Variants in TAFA1 observed in about 807,000 individuals in gnomAD.
The protein encoded by TAFA1 is chemokine-like protein TAFA-1.
Under a neutral mutation model 18.5 loss-of-function variants are expected in TAFA1, and 4 were observed. The observed-to-expected ratio is 0.22, with a 90% CI of 0.11 to 0.49. TAFA1 has a LOEUF of 0.49. Ranked by LOEUF, TAFA1 falls within the 20% of genes least tolerant of loss-of-function variation. TAFA1 has a pLI of 0.98. For synonymous variants in TAFA1, 56 were observed against 55.2 expected (o/e 1.01, Z -0.06); for missense variants, 147 against 169.0 (o/e 0.87, Z 0.72).
intron 2 of TAFA1, among the ~76,000 whole-genome samples, chr3:68,102,897 C>A (rs1431279252): frequency 2.6e-5 from 4 of 152,152 alleles, no homozygotes; most frequent in African/African-American, 9.7e-5. Flanking sequence ...GGGCTGTGTC[C>A]ATCCAGAACC....
intron 2 of TAFA1, among the ~76,000 whole-genome samples, chr3:68,095,173 C>A (rs2065073701): frequency 6.6e-6 from 1 of 152,112 alleles, no homozygotes; most frequent in South Asian, 2.1e-4. Flanking sequence ...GTTCTTCCCA[C>A]GTTTGATATA....
intron 2 of TAFA1, among the ~76,000 whole-genome samples, chr3:68,287,322 T>C (rs1484255265): frequency 1.1e-4 from 16 of 152,234 alleles, no homozygotes; most frequent in African/African-American, 3.9e-4. Flanking sequence ...GTTCATCTCC[T>C]GCTGACTATG....
chr3:68,292,702 G>C (rs1056928181), intron 2 of TAFA1, among the ~76,000 whole-genome samples: 2 of 151,900 alleles, frequency 1.3e-5, no homozygotes, highest in East Asian at 1.9e-4. Context: ...TAATTGTTTT[G>C]TTTTGTTTTG....
chr3:68,333,858 T>A (rs2068923716), intron 2 of TAFA1, among the ~76,000 whole-genome samples: 1 of 152,186 alleles, frequency 6.6e-6, no homozygotes, highest in Admixed American at 6.5e-5. Context: ...AATTACAACA[T>A]GGATGAACCT....
At chr3:68,234,321 T>C (rs1331651808) in intron 2 of TAFA1, among the ~76,000 whole-genome samples, 1 of 152,190 alleles carries the variant, frequency 6.6e-6, no homozygotes, top group Non-Finnish European at 1.5e-5. Flanking sequence ...GTTGCTTCTA[T>C]GGCAGCTTTC....
chr3:68,221,444 T>A (rs955240416), intron 2 of TAFA1, among the ~76,000 whole-genome samples: 5 of 152,148 alleles, frequency 3.3e-5, no homozygotes. Context: ...ACAACTTAGA[T>A]AATATTTTCT....
intron 2 of TAFA1, among the ~76,000 whole-genome samples, chr3:68,415,757 T>C (rs1028115683): frequency 2.0e-5 from 3 of 152,088 alleles, no homozygotes; most frequent in Non-Finnish European, 4.4e-5. Context: ...CACAACCCTG[T>C]GATACAGGTG....
chr3:68,189,273 A>G (rs1272672325), intron 2 of TAFA1, among the ~76,000 whole-genome samples: 1 of 151,800 alleles, frequency 6.6e-6, no homozygotes, highest in Non-Finnish European at 1.5e-5. Flanking sequence ...CATTCAGTAG[A>G]CTCACCTACA....
intron 2 of TAFA1, among the ~76,000 whole-genome samples, chr3:68,336,323 A>G (rs183066470): frequency 1.3e-5 from 2 of 152,242 alleles, no homozygotes; most frequent in East Asian, 3.9e-4. Flanking sequence ...AGTGACTTTG[A>G]TCTCTAATTT....
At chr3:68,400,129 A>T (rs2070459515) in intron 2 of TAFA1, among the ~76,000 whole-genome samples, 1 of 152,192 alleles carries the variant, frequency 6.6e-6, no homozygotes, top group Admixed American at 6.5e-5. Context: ...TGGCCAGGTC[A>T]CAATCCCACT....
intron 2 of TAFA1, among the ~76,000 whole-genome samples, chr3:68,208,692 C>G (rs1013491307): frequency 6.6e-6 from 1 of 151,908 alleles, no homozygotes; most frequent in African/African-American, 2.4e-5. Flanking sequence ...GATTTCATCT[C>G]CCCACAGGAA....
intron 3 of TAFA1, among the ~76,000 whole-genome samples, chr3:68,459,317 T>C (rs1372766068): frequency 6.6e-6 from 1 of 152,190 alleles, no homozygotes; most frequent in Non-Finnish European, 1.5e-5. Flanking sequence ...ATAACACTAT[T>C]TTTTAAAATA....
At chr3:67,997,141 A>G in the TAFA1 span, among the ~76,000 whole-genome samples, 1 of 152,208 alleles carries the variant, frequency 6.6e-6, no homozygotes, top group Non-Finnish European at 1.5e-5. Context: ...AATAGAAAGA[A>G]TGTTTCAATA....
chr3:68,390,295 G>C (rs1043938689), intron 2 of TAFA1, among the ~76,000 whole-genome samples: 1 of 152,168 alleles, frequency 6.6e-6, no homozygotes, highest in African/African-American at 2.4e-5. Context: ...TAGCCAGACT[G>C]CCTCTCTAGA....
At chr3:68,199,360 T>A (rs906781353) in intron 2 of TAFA1, among the ~76,000 whole-genome samples, 3 of 151,552 alleles carry the variant, frequency 2.0e-5, no homozygotes, top group Admixed American at 6.6e-5. Context: ...TGCCTCTCCA[T>A]ATAAGCTTCA....
At chr3:68,061,494 G>A (rs553084628) in intron 2 of TAFA1, among the ~76,000 whole-genome samples, 1 of 152,260 alleles carries the variant, frequency 6.6e-6, no homozygotes, top group African/African-American at 2.4e-5. Flanking sequence ...GGGATACAAG[G>A]TCTGAGTAGG....
chr3:68,018,236 G>C (rs913237454), intron 2 of TAFA1, among the ~76,000 whole-genome samples: 9 of 152,172 alleles, frequency 5.9e-5, no homozygotes, highest in Non-Finnish European at 1.3e-4. Flanking sequence ...GTCACAATGA[G>C]AGTCTCTATG....
intron 2 of TAFA1, among the ~76,000 whole-genome samples, chr3:68,160,755 AG>A (rs2106939016): frequency 6.6e-6 from 1 of 152,292 alleles, no homozygotes; most frequent in African/African-American, 2.4e-5. Flanking sequence ...TTCCATTCAG[AG>A]GGTCAGGGTC....
chr3:68,123,477 C>G (rs1288386100), intron 2 of TAFA1, among the ~76,000 whole-genome samples: 2 of 152,180 alleles, frequency 1.3e-5, no homozygotes, highest in African/African-American at 4.8e-5. Context: ...TAACATAGAA[C>G]TTTCCCTACT....
Sources: allele counts gnomAD v4.1 joint callset (sites outside exome capture counted in the v4.1 genomes callset), GRCh38; gene constraint gnomAD v4.1.1; transcripts MANE v1.5; gene names NCBI Gene and HGNC (gene_info 2026-07-23, HGNC 2026-07-21).